Variants in CACNA1D observed in about 807,000 individuals in gnomAD.
CACNA1D encodes the protein voltage-dependent L-type calcium channel subunit alpha-1D.
CACNA1D carries 55 observed loss-of-function variants against 257.1 expected under a neutral mutation model. The observed-to-expected ratio is 0.21, with a 90% CI of 0.17 to 0.27. The LOEUF is 0.27. Ranked by LOEUF, CACNA1D falls within the 10% of genes least tolerant of loss-of-function variation. The probability of loss-of-function intolerance (pLI) is 1.00; values close to 1 mark genes in which losing one functional copy is unlikely to be tolerated. For synonymous variants in CACNA1D, 980 were observed against 1,014.9 expected, an observed-to-expected ratio of 0.97 and a Z score of 0.65; for missense variants, 1,876 against 2,784.0, an observed-to-expected ratio of 0.67 and a Z score of 7.34.
chr3:53,736,751 C>T (rs532408153), intron 20 of CACNA1D, among the ~76,000 whole-genome samples: 151 of 152,086 alleles, frequency 9.9e-4, no homozygotes, highest in African/African-American at 3.4e-3. Flanking sequence ...ATTAGCCACA[C>T]GTATTGGCAC....
chr3:53,671,073 C>T (rs2094318837), intron 7 of CACNA1D, among the ~76,000 whole-genome samples: 1 of 152,164 alleles, frequency 6.6e-6, no homozygotes, highest in African/African-American at 2.4e-5. Flanking sequence ...ACTGTCATTC[C>T]AAGTGATACT....
intron 8 of CACNA1D, among the ~76,000 whole-genome samples, chr3:53,684,145 A>C (rs2094454744): frequency 2.0e-5 from 3 of 152,154 alleles, no homozygotes; most frequent in African/African-American, 7.2e-5. Flanking sequence ...AAGAGGTAAA[A>C]GGAAAAACGA....
intron 19 of CACNA1D, 69 bp downstream of exon 19, chr3:53,733,031 G>T (rs2095014609): frequency 6.5e-7 from 1 of 1,527,428 alleles, no homozygotes; most frequent in Non-Finnish European, 9.1e-7. Flanking sequence ...CTTGAGGGTG[G>T]CTCGGGTGGG....
chr3:53,766,723 G>A (rs1186240216), intron 30 of CACNA1D, among the ~76,000 whole-genome samples: 10 of 152,114 alleles, frequency 6.6e-5, no homozygotes, highest in Non-Finnish European at 1.3e-4. Flanking sequence ...CATGTAGTCC[G>A]GCCTCCTGAG....
intron 37 of CACNA1D, among the ~76,000 whole-genome samples, chr3:53,779,274 G>T (rs1445840630): frequency 1.3e-5 from 2 of 152,192 alleles, no homozygotes; most frequent in Non-Finnish European, 2.9e-5. Context: ...TCATCTGCGT[G>T]TTAACATTTA....
chr3:53,691,829 TAA>T (rs1491197279), intron 8 of CACNA1D, among the ~76,000 whole-genome samples: 1 of 94,734 alleles, frequency 1.1e-5, no homozygotes, highest in Non-Finnish European at 2.1e-5. Flanking sequence ...ATTATATCTA[TAA>T]TATATATTAC....
At chr3:53,809,871 G>A in intron 46 of CACNA1D, 107 bp from the exon 47 acceptor site, 1 of 988,202 alleles carries the variant, frequency 1.0e-6, no homozygotes, top group South Asian at 1.3e-5. Flanking sequence ...GTCCTTGCCT[G>A]GACTGCCCCT....
chr3:53,552,064 T>C (rs890827033), intron 3 of CACNA1D, among the ~76,000 whole-genome samples: 4 of 152,194 alleles, frequency 2.6e-5, no homozygotes, highest in Admixed American at 2.6e-4. Flanking sequence ...CTCTTCCCTC[T>C]GGGGGTGGAT....
intron 9 of CACNA1D, among the ~76,000 whole-genome samples, chr3:53,717,249 T>C (rs1016398039): frequency 4.6e-5 from 7 of 152,334 alleles, no homozygotes; most frequent in Middle Eastern, 3.4e-3. Context: ...TTAATCCTTC[T>C]TTACTCTGGA....
chr3:53,754,398 C>T (rs1380346329), intron 29 of CACNA1D, among the ~76,000 whole-genome samples: 1 of 152,194 alleles, frequency 6.6e-6, no homozygotes, highest in Non-Finnish European at 1.5e-5. Context: ...CAAATCTCTA[C>T]TCTGGCACTT....
intron 3 of CACNA1D, among the ~76,000 whole-genome samples, chr3:53,516,802 G>A (rs755221988): frequency 3.9e-5 from 6 of 152,162 alleles, no homozygotes; most frequent in Admixed American, 1.3e-4. Context: ...AGTTACTAGC[G>A]TCCCCATTTT....
At chr3:53,671,791 C>G (rs1049225394) in intron 7 of CACNA1D, among the ~76,000 whole-genome samples, 4 of 152,298 alleles carry the variant, frequency 2.6e-5, no homozygotes, top group African/African-American at 9.6e-5. Flanking sequence ...TTGTGAAATG[C>G]ACGAGCCTCA....
In CACNA1D at chr3:53,810,080, G is replaced by A. The variant is rs892661402; in HGVS notation, c.5974G>A (p.Asp1992Asn). Residue 1992 changes from aspartate to asparagine, a missense_variant, in exon 47 of 48, where the codon GAC becomes AAC. This residue lies in a region of CACNA1D where 491 missense variants were observed against 554.3 expected (regional missense o/e 0.89). Transcript: ENST00000350061. The stretch of plus-strand genomic sequence containing the variant: ...CCCTCCAGCAACCCCTCCCTACCGG[G>A]ACTGGACACCGTGCTACACCCCCCT... ...ATPPATPPYR[D>N]WTPCYTPLIQ... 1 of 1,613,836 alleles carries A rather than the reference G, an allele frequency of 6.2e-7. No individual in the cohort carries two copies. Among genetic ancestry groups the A allele is most frequent in the Non-Finnish European group, 8.5e-7 (1 of 1,180,044 alleles).
chr3:53,725,454 T>C (rs1237505111), intron 14 of CACNA1D, among the ~76,000 whole-genome samples: 1 of 152,132 alleles, frequency 6.6e-6, no homozygotes, highest in Admixed American at 6.5e-5. Context: ...TGGCTGTAGA[T>C]CTGTGGGATA....
intron 40 of CACNA1D, among the ~76,000 whole-genome samples, chr3:53,788,182 G>T (rs182182727): frequency 6.6e-6 from 1 of 152,154 alleles, no homozygotes; most frequent in Non-Finnish European, 1.5e-5. Context: ...TGTGTATCTC[G>T]TGGGTTAGTA....
At chr3:53,688,199 G>T (rs1459262194) in intron 8 of CACNA1D, among the ~76,000 whole-genome samples, 1 of 152,176 alleles carries the variant, frequency 6.6e-6, no homozygotes, top group Non-Finnish European at 1.5e-5. Context: ...CCACAGACTC[G>T]GCCTTGGGTG....
chr3:53,807,205 C>A lies in CACNA1D; in HGVS notation c.5750-1444C>A, dbSNP rs1177070864. On this transcript the variant is annotated intron_variant, in intron 45 of 47. Coordinates refer to ENST00000350061, the MANE Select transcript of CACNA1D (RefSeq NM_001128840.3). ...AAAAGCACCACATACAGGAGAGGGACCGCTGCTCTCCTTTCCCAGCCCCCA... is the reference window on the plus strand; with the variant it reads ...AAAAGCACCACATACAGGAGAGGGAACGCTGCTCTCCTTTCCCAGCCCCCA... Among the ~76,000 whole-genome samples, 3 of 152,198 alleles carry A rather than the reference C, an allele frequency of 2.0e-5. No homozygotes were observed. In the East Asian group the frequency reaches 5.8e-4, roughly 30 times the overall value.
intron 29 of CACNA1D, among the ~76,000 whole-genome samples, chr3:53,755,329 G>A (rs528144943): frequency 4.2e-4 from 64 of 151,700 alleles, no homozygotes; most frequent in African/African-American, 1.5e-3. Flanking sequence ...GTATGTGTGT[G>A]TGTCAGTGTG....
intron 3 of CACNA1D, among the ~76,000 whole-genome samples, chr3:53,577,444 G>A (rs1413495011): frequency 1.1e-4 from 16 of 152,070 alleles, no homozygotes; most frequent in Admixed American, 1.0e-3. Flanking sequence ...TTACCAGTGT[G>A]GCAACCCAGC....
Sources: allele counts gnomAD v4.1 joint callset (sites outside exome capture counted in the v4.1 genomes callset), GRCh38; gene constraint gnomAD v4.1.1; regional missense constraint gnomAD v4.1.1; transcripts MANE v1.5; gene names NCBI Gene and HGNC (gene_info 2026-07-23, HGNC 2026-07-21).